CTNNA3: variants seen among roughly 807,000 people sequenced by gnomAD.
CTNNA3 encodes the protein catenin alpha 3, also known as catenin alpha-3.
Under a neutral mutation model 95.7 loss-of-function variants are expected in CTNNA3, and 76 were observed. The observed-to-expected ratio is 0.79, with a 90% CI of 0.66 to 0.96. The LOEUF is 0.96. Ranked by LOEUF, CTNNA3 falls within the 40% of genes least tolerant of loss-of-function variation. The pLI, the probability that CTNNA3 is intolerant of heterozygous loss-of-function variation, is 0.00. For synonymous variants in CTNNA3, 431 were observed against 374.4 expected (o/e 1.15, Z -1.74); for missense variants, 1,191 against 1,089.8 (o/e 1.09, Z -1.31).
intron 7 of CTNNA3, among the ~76,000 whole-genome samples, chr10:67,160,305 C>A (rs559609914): frequency 2.0e-5 from 3 of 152,178 alleles, no homozygotes; most frequent in African/African-American, 7.2e-5. Context: ...TGGAAAACAG[C>A]ATGGCATTTC....
intron 12 of CTNNA3, among the ~76,000 whole-genome samples, chr10:66,367,870 TA>T (rs2092722659): frequency 3.0e-5 from 1 of 33,358 alleles, no homozygotes; most frequent in Non-Finnish European, 5.5e-5. Flanking sequence ...ATAATAATAA[TA>T]ATAATAATAA....
chr10:66,029,999 A>G (rs962630345), intron 15 of CTNNA3, among the ~76,000 whole-genome samples: 1 of 152,174 alleles, frequency 6.6e-6, no homozygotes, highest in Non-Finnish European at 1.5e-5. Context: ...CATGAATGAC[A>G]TAATTACAGC....
At chr10:67,184,231 C>G (rs1862725964) in intron 6 of CTNNA3, among the ~76,000 whole-genome samples, 1 of 152,186 alleles carries the variant, frequency 6.6e-6, no homozygotes, top group African/African-American at 2.4e-5. Flanking sequence ...ATCCCAAACA[C>G]TATTACCATG....
At chr10:67,364,467 G>A (rs2132680321) in intron 5 of CTNNA3, among the ~76,000 whole-genome samples, 1 of 152,248 alleles carries the variant, frequency 6.6e-6, no homozygotes, top group Admixed American at 6.5e-5. Flanking sequence ...GGAAGTCCTG[G>A]CCAGGGCAAT....
chr10:67,010,569 C>A (rs1852256324), intron 7 of CTNNA3, among the ~76,000 whole-genome samples: 1 of 152,156 alleles, frequency 6.6e-6, no homozygotes, highest in African/African-American at 2.4e-5. Context: ...GCACTAGCTA[C>A]AATCATCCTC....
intron 9 of CTNNA3, among the ~76,000 whole-genome samples, chr10:66,655,486 A>T (rs1846044037): frequency 6.6e-6 from 1 of 152,098 alleles, no homozygotes; most frequent in Non-Finnish European, 1.5e-5. Context: ...GGTATCTGGG[A>T]TAGAAGCAAG....
chr10:66,175,802 T>A (rs1295354853), intron 13 of CTNNA3, among the ~76,000 whole-genome samples: 2 of 152,182 alleles, frequency 1.3e-5, no homozygotes, highest in African/African-American at 4.8e-5. Flanking sequence ...AATGCCATTA[T>A]TCAGAAATTT....
chr10:67,567,853 C>G (rs1841860458), intron 3 of CTNNA3, among the ~76,000 whole-genome samples: 1 of 152,132 alleles, frequency 6.6e-6, no homozygotes, highest in African/African-American at 2.4e-5. Flanking sequence ...TAATGTGGAG[C>G]TTTCGAATCT....
chr10:67,678,619 G>A (rs1329048236), intron 1 of CTNNA3, among the ~76,000 whole-genome samples: 2 of 152,172 alleles, frequency 1.3e-5, no homozygotes, highest in Non-Finnish European at 2.9e-5. Context: ...AGCAAAGTAA[G>A]ACAAGTATCT....
intron 7 of CTNNA3, among the ~76,000 whole-genome samples, chr10:67,039,632 T>C (rs1264623549): frequency 6.6e-6 from 1 of 152,028 alleles, no homozygotes; most frequent in African/African-American, 2.4e-5. Flanking sequence ...AGGTGAAAAT[T>C]AGTAAAGGGA....
intron 5 of CTNNA3, among the ~76,000 whole-genome samples, chr10:67,420,703 TTTC>T (rs1178350373): frequency 6.6e-6 from 1 of 152,184 alleles, no homozygotes; most frequent in Non-Finnish European, 1.5e-5. Flanking sequence ...ACTATTATCC[TTTC>T]TTATTTTATT....
chr10:67,616,780 G>A lies in CTNNA3; in HGVS notation c.100-9731C>T, dbSNP rs367758683. ...AGTATACAATTCTGGAATTGAAAGA[G>A]GTAAAAGTTGGAGATATGTTTCGTA... On this transcript the variant is annotated intron_variant, in intron 2 of 17. Coordinates refer to ENST00000433211, the MANE Select transcript of CTNNA3 (RefSeq NM_013266.4). Among the ~76,000 whole-genome samples the A allele has an allele frequency of 1.4e-4, 21 of 152,266 alleles. No homozygotes were observed. The East Asian group carries it at 3.1e-3, about 22-fold the overall frequency.
chr10:67,039,772 C>T (rs762937893), intron 7 of CTNNA3, among the ~76,000 whole-genome samples: 1 of 152,120 alleles, frequency 6.6e-6, no homozygotes, highest in Non-Finnish European at 1.5e-5. Flanking sequence ...GATCTACTTG[C>T]TTAGTCCACT....
At chr10:66,358,211 A>ATGAGT (rs1564894010) in intron 12 of CTNNA3, among the ~76,000 whole-genome samples, 1 of 152,164 alleles carries the variant, frequency 6.6e-6, no homozygotes, top group Non-Finnish European at 1.5e-5. Context: ...GGAGAGTTAA[A>ATGAGT]TGAGTTTCAT....
intron 13 of CTNNA3, among the ~76,000 whole-genome samples, chr10:66,229,769 G>C (rs1410288837): frequency 6.6e-6 from 1 of 152,008 alleles, no homozygotes; most frequent in Non-Finnish European, 1.5e-5. Flanking sequence ...TCTCTTCTAA[G>C]ACTTAGGACA....
intron 2 of CTNNA3, among the ~76,000 whole-genome samples, chr10:67,627,938 T>C (rs1352328524): frequency 6.6e-6 from 1 of 151,798 alleles, no homozygotes; most frequent in Non-Finnish European, 1.5e-5. Flanking sequence ...GGATGTGCTT[T>C]TGTTGAGAAA....
At chr10:67,736,445 A>T (rs1391028004) in intron 1 of CTNNA3, among the ~76,000 whole-genome samples, 2 of 144,632 alleles carry the variant, frequency 1.4e-5, no homozygotes, top group African/African-American at 2.6e-5. Context: ...TGCATATTTT[A>T]CCACAATTTT....
chr10:67,184,744 C>A (rs192225793), intron 6 of CTNNA3, among the ~76,000 whole-genome samples: 514 of 152,238 alleles, frequency 3.4e-3, no homozygotes, highest in Non-Finnish European at 4.7e-3. Flanking sequence ...CCCTATAAAC[C>A]TTTTATAAAG....
At chr10:67,176,991 G>A (rs754191894) in intron 7 of CTNNA3, 1 of 495,248 alleles carries the variant, frequency 2.0e-6, no homozygotes, top group African/African-American at 1.9e-5. Context: ...AGAGCTGAAA[G>A]ACAGAAATTT....
Sources: allele counts gnomAD v4.1 joint callset (sites outside exome capture counted in the v4.1 genomes callset), GRCh38; gene constraint gnomAD v4.1.1; transcripts MANE v1.5; gene names NCBI Gene and HGNC (gene_info 2026-07-23, HGNC 2026-07-21).